LAMC2: variants seen among roughly 807,000 people sequenced by gnomAD.
LAMC2 encodes the protein laminin subunit gamma 2, also known as laminin subunit gamma-2.
Under a neutral mutation model 140.2 loss-of-function variants are expected in LAMC2, and 97 were observed. The ratio of observed to expected loss-of-function variants is 0.69; its 90% CI spans 0.59 to 0.82. The LOEUF (loss-of-function observed/expected upper bound fraction) is 0.82, where lower values mean the gene tolerates loss of function less well. LAMC2 is among the 40% of genes least tolerant of loss of function. The probability of loss-of-function intolerance (pLI) is 0.00; values close to 1 mark genes in which losing one functional copy is unlikely to be tolerated. For missense variants in LAMC2, 1,402 were observed against 1,476.1 expected, an observed-to-expected ratio of 0.95 and a Z score of 0.82; for synonymous variants, 513 against 540.2, an observed-to-expected ratio of 0.95 and a Z score of 0.70.
the LAMC2 span, among the ~76,000 whole-genome samples, chr1:183,254,192 A>G: frequency 2.0e-4 from 30 of 152,286 alleles, no homozygotes; most frequent in Admixed American, 1.9e-3. Context: ...GTACCAATCT[A>G]CATTCCCACC....
chr1:183,229,003 C>A (rs775074617), intron 11 of LAMC2, among the ~76,000 whole-genome samples: 1 of 152,154 alleles, frequency 6.6e-6, no homozygotes, highest in Non-Finnish European at 1.5e-5. Context: ...TAAGCAAACT[C>A]AAGTGGGAAG....
chr1:183,225,202 G>C (rs977635826), intron 7 of LAMC2, among the ~76,000 whole-genome samples: 4 of 152,168 alleles, frequency 2.6e-5, no homozygotes, highest in African/African-American at 9.7e-5. Context: ...AGTAAAATGT[G>C]CTCAGATAAC....
the LAMC2 span, among the ~76,000 whole-genome samples, chr1:183,253,937 GTGTGTGTA>G: frequency 3.6e-5 from 5 of 140,376 alleles, no homozygotes; most frequent in African/African-American, 7.7e-5. Context: ...GTGTGTGTGT[GTGTGTGTA>G]TGTGTGTGTG....
intron 7 of LAMC2, among the ~76,000 whole-genome samples, chr1:183,224,112 C>T (rs1659556830): frequency 1.3e-5 from 2 of 152,152 alleles, no homozygotes; most frequent in African/African-American, 2.4e-5. Context: ...TTGGAAAGTG[C>T]CCGATTCTGC....
chr1:183,238,473 A>T, intron 19 of LAMC2, 52 bp downstream of exon 19: 3 of 1,178,718 alleles, frequency 2.5e-6, no homozygotes, highest in Non-Finnish European at 3.8e-6. Context: ...TATAGTCATG[A>T]CCAATTTCCT....
chr1:183,233,067 C>T (rs1010916118), intron 14 of LAMC2, among the ~76,000 whole-genome samples: 2 of 152,166 alleles, frequency 1.3e-5, no homozygotes, highest in African/African-American at 4.8e-5. Flanking sequence ...TTATGTTCTT[C>T]TCCTAAGTTC....
At position 183,239,580 on chromosome 1, in the gene LAMC2, A is replaced by C; in HGVS notation, c.3069+17A>C. On this transcript the variant is annotated intron_variant, in intron 20 of 22. Transcript: ENST00000264144. Reference sequence around the variant, plus strand: ...ATTGAACAGGTAAAGAGAAATCGACATGTGTGTTGGTGCCAGTAGCACCAA... The same window carrying C: ...ATTGAACAGGTAAAGAGAAATCGACCTGTGTGTTGGTGCCAGTAGCACCAA... 2 of 1,606,350 alleles carry C rather than the reference A, an allele frequency of 1.2e-6. No individual in the cohort carries two copies. The highest frequency in any genetic ancestry group is 1.7e-6 in the Non-Finnish European group (2 of 1,174,292).
intron 15 of LAMC2, among the ~76,000 whole-genome samples, chr1:183,234,987 AG>A (rs1659909198): frequency 1.3e-5 from 2 of 152,338 alleles, no homozygotes; most frequent in South Asian, 2.1e-4. Context: ...GCAGGGTGGC[AG>A]GCTCTGTTAA....
intron 11 of LAMC2, among the ~76,000 whole-genome samples, chr1:183,229,497 C>T (rs140503606): frequency 0.017 from 2,539 of 151,896 alleles, 32 homozygotes; most frequent in African/African-American, 0.029. Context: ...ATTAGCTGGA[C>T]GTGGTGGTGG....
At chr1:183,189,088 T>G (rs779806934) in intron 1 of LAMC2, among the ~76,000 whole-genome samples, 1 of 152,162 alleles carries the variant, frequency 6.6e-6, no homozygotes, top group Non-Finnish European at 1.5e-5. Flanking sequence ...TGATGAAGAC[T>G]TTCATCATGG....
chr1:183,232,083 A>T (rs1310036517), intron 12 of LAMC2, 104 bp from the exon 13 acceptor site: 1 of 1,421,942 alleles, frequency 7.0e-7, no homozygotes, highest in East Asian at 2.3e-5. Context: ...TGACATGCTA[A>T]GCATTTCTGG....
intron 1 of LAMC2, among the ~76,000 whole-genome samples, chr1:183,196,370 G>C (rs1760628): frequency 0.32 from 48,060 of 151,788 alleles, 7,871 homozygotes; most frequent in East Asian, 0.43. Flanking sequence ...CTCCTGATCT[G>C]AAGTGATTCA....
At chr1:183,252,523 A>T in the LAMC2 span, 1 of 721,606 alleles carries the variant, frequency 1.4e-6, no homozygotes, top group Non-Finnish European at 2.5e-6. Context: ...ATGGGGGGTT[A>T]AGTCAGCAAG....
intron 1 of LAMC2, among the ~76,000 whole-genome samples, chr1:183,198,124 CT>C (rs11338376): frequency 0.36 from 50,939 of 142,794 alleles, 9,473 homozygotes; most frequent in East Asian, 0.44. Context: ...TGAGCATCAT[CT>C]TTTTTTTTTT....
chr1:183,186,528 A>C lies in LAMC2; in HGVS notation c.79+97A>C. 8 of 1,386,934 alleles carry C rather than the reference A, an allele frequency of 5.8e-6. No homozygotes were observed. The South Asian group carries it at 8.6e-5, about 15-fold the overall frequency. 85.9% of individuals were successfully genotyped at this position (1,386,934 alleles called of 1,614,324 possible). Reference sequence around the variant, plus strand: ...GCTGAACGTACCTCCGAGGATTCCCACTTTGTCCAGAAACTTGTTAGAGCT... The same window carrying C: ...GCTGAACGTACCTCCGAGGATTCCCCCTTTGTCCAGAAACTTGTTAGAGCT... On this transcript the variant is annotated intron_variant, in intron 1 of 22. Coordinates refer to ENST00000264144, the MANE Select transcript of LAMC2 (RefSeq NM_005562.3).
intron 1 of LAMC2, among the ~76,000 whole-genome samples, chr1:183,193,096 G>T (rs1471963038): frequency 1.3e-5 from 2 of 152,108 alleles, no homozygotes; most frequent in Non-Finnish European, 2.9e-5. Flanking sequence ...CATCTATCTC[G>T]TCTTTTCAGA....
In LAMC2 at chr1:183,238,397, G is replaced by T. The variant is rs1660031528; in HGVS notation, c.2845G>T (p.Glu949Ter). 6.2e-7 allele frequency: 1 copy of T among 1,613,282 alleles called. No individual in the cohort carries two copies. The highest frequency in any genetic ancestry group is 1.7e-5 in the Admixed American group (1 of 60,028). The change falls in exon 19 of 23, where the codon GAG becomes TAG. Residue 949 changes from glutamate to a stop codon, truncating the protein, a stop_gained. Transcript: ENST00000264144. LOFTEE classifies it high-confidence loss of function. Reference protein sequence around the residue: ...SMGNATFYEVESILKNLREFD... With the variant: ...SMGNATFYEV The stretch of plus-strand genomic sequence containing the variant: ...GGGCAATGCCACTTTTTATGAAGTT[G>T]AGAGCATCCTTAAAAACCTCAGAGG...
intron 14 of LAMC2, 64 bp from the exon 15 acceptor site, chr1:183,234,303 A>G: frequency 7.9e-7 from 1 of 1,270,616 alleles, no homozygotes; most frequent in Non-Finnish European, 1.1e-6. Context: ...GCACCTGCTT[A>G]AGTTCCATGG....
intron 7 of LAMC2, among the ~76,000 whole-genome samples, chr1:183,224,437 T>A (rs751895684): frequency 6.6e-6 from 1 of 152,060 alleles, no homozygotes; most frequent in Admixed American, 6.6e-5. Flanking sequence ...CATTGAGAGA[T>A]TGTTAAGTCA....
Sources: gnomAD v4.1 joint callset for allele counts (sites outside exome capture counted in the v4.1 genomes callset) on GRCh38, gnomAD v4.1.1 for gene constraint, MANE v1.5 for transcripts, NCBI Gene and HGNC (gene_info 2026-07-23, HGNC 2026-07-21) for gene names.